The following TBCD variants were observed in gnomAD, a reference collection of about 807,000 sequenced individuals.
TBCD encodes tubulin folding cofactor D.
In TBCD, 105 loss-of-function variants were observed where a neutral mutation model predicts 169.3. The observed-to-expected ratio is 0.62, with a 90% CI of 0.53 to 0.73. TBCD has a LOEUF of 0.73. TBCD is among the 30% of genes least tolerant of loss of function. The probability of loss-of-function intolerance (pLI) is 0.00; values close to 1 mark genes in which losing one functional copy is unlikely to be tolerated. For synonymous variants in TBCD, 700 were observed against 643.9 expected (o/e 1.09, Z -1.32); for missense variants, 1,444 against 1,600.1 (o/e 0.90, Z 1.66).
At chr17:82,942,086 T>C (rs1207533918) in intron 38 of TBCD, 1 of 390,210 alleles carries the variant, frequency 2.6e-6, no homozygotes, top group South Asian at 3.3e-5. Context: ...GGGCTGAGCA[T>C]CAGGACACAG....
At chr17:82,792,351 ATG>A (rs1046756722) in intron 7 of TBCD, among the ~76,000 whole-genome samples, 43 of 130,006 alleles carry the variant, frequency 3.3e-4, no homozygotes, top group South Asian at 1.2e-3. Context: ...ACGTGTATAC[ATG>A]TGTGCACACA....
intron 37 of TBCD, among the ~76,000 whole-genome samples, chr17:82,940,366 G>T (rs1415663125): frequency 6.6e-6 from 1 of 152,166 alleles, no homozygotes; most frequent in Non-Finnish European, 1.5e-5. Flanking sequence ...TCCTGCCTGT[G>T]GATGCTGCTC....
chr17:82,798,081 A>G (rs568749637), intron 8 of TBCD, among the ~76,000 whole-genome samples: 13 of 145,196 alleles, frequency 9.0e-5, no homozygotes, highest in African/African-American at 3.3e-4. Flanking sequence ...GGTTCAAGCA[A>G]TTCTTCTGCC....
chr17:82,773,574 T>C (rs532206151), intron 6 of TBCD, among the ~76,000 whole-genome samples: 4 of 152,270 alleles, frequency 2.6e-5, no homozygotes, highest in African/African-American at 9.6e-5. Context: ...GCCAACTCTG[T>C]CCATGGTCTC....
intron 7 of TBCD, chr17:82,795,679 G>A (rs1254408129): frequency 1.5e-5 from 13 of 870,984 alleles, no homozygotes; most frequent in East Asian, 1.2e-4. Flanking sequence ...AGTGACAGCC[G>A]CACTCTTGCG....
At position 82,773,445 on chromosome 17, in the gene TBCD, G is replaced by A. The variant is rs542622922; in HGVS notation, c.638+938G>A. ...TTGTCAAGGACATAAAAAGATGATC[G>A]TCTAATTATTAAAGTAATCTGTATA... On this transcript the variant is annotated intron_variant, in intron 6 of 38. Transcript: ENST00000355528. 7.9e-5 allele frequency among the ~76,000 whole-genome samples: 12 copies of A among 152,300 alleles called. No homozygotes were observed. In the East Asian group the frequency reaches 1.5e-3, roughly 20 times the overall value.
chr17:82,780,666 A>G (rs2048888901), intron 6 of TBCD, among the ~76,000 whole-genome samples: 1 of 19,074 alleles, frequency 5.2e-5, no homozygotes, highest in Non-Finnish European at 9.8e-5. Context: ...TTTTTTTGAG[A>G]CAGAGTCTTG....
Position 82,807,655 on chromosome 17 carries a change from T to C in TBCD, c.1135T>C (p.Ser379Pro). The C allele has an allele frequency of 6.5e-7, 1 of 1,548,124 alleles. No homozygotes were observed. The highest frequency in any genetic ancestry group is 8.7e-7 in the Non-Finnish European group (1 of 1,145,378). Residue 379 changes from serine (S) to proline (P), a missense_variant, in exon 11 of 39, where the codon TCT becomes CCT. Ser to Pro is a moderately conservative substitution (Grantham distance 74). Transcript: ENST00000355528. ...LKDKDTVVRW[S>P]AAKGIGRMAG... Reference sequence around the variant, plus strand: ...GGACAAGGACACGGTCGTGCGGTGGTCTGCAGCCAAGGGGTAGGTGTCTGT... The same window carrying C: ...GGACAAGGACACGGTCGTGCGGTGGCCTGCAGCCAAGGGGTAGGTGTCTGT...
intron 14 of TBCD, among the ~76,000 whole-genome samples, chr17:82,879,055 T>C (rs1456050203): frequency 9.5e-6 from 1 of 104,860 alleles, no homozygotes; most frequent in African/African-American, 3.8e-5. Flanking sequence ...AGCAAGATCC[T>C]GTTCTTTTTT....
At chr17:82,865,536 G>T (rs1001842298) in intron 13 of TBCD, 73 of 985,356 alleles carry the variant, frequency 7.4e-5, no homozygotes, top group African/African-American at 1.6e-4. Flanking sequence ...TGTCTGTGCC[G>T]CGGGGGTACT....
In TBCD at chr17:82,766,277, A is replaced by C. The variant is rs752265380; in HGVS notation, c.344A>C (p.Tyr115Ser). 86 of 1,610,968 alleles carry C rather than the reference A, an allele frequency of 5.3e-5. No individual in the cohort carries two copies. Among genetic ancestry groups the C allele is most frequent in the Non-Finnish European group, 6.6e-5 (78 of 1,178,490 alleles). Residue 115 changes from tyrosine (Y) to serine (S), a missense_variant, in exon 4 of 39, where the codon TAT becomes TCT. Transcript: ENST00000355528. ...FLYIITKVRGYKTFLRLFPHE... is the reference protein window; with the variant it reads ...FLYIITKVRGSKTFLRLFPHE... Reference sequence around the variant, plus strand: ...CTCTTTATTTGATAGGTTCGAGGCTATAAAACATTTCTTCGTTTATTTCCT... The same window carrying C: ...CTCTTTATTTGATAGGTTCGAGGCTCTAAAACATTTCTTCGTTTATTTCCT...
At chr17:82,784,726 T>TC (rs2049180383) in intron 7 of TBCD, among the ~76,000 whole-genome samples, 1 of 152,118 alleles carries the variant, frequency 6.6e-6, no homozygotes, top group Non-Finnish European at 1.5e-5. Context: ...ACAGACAGCC[T>TC]CCCACATGAC....
Position 82,922,222 on chromosome 17 carries a change from G to A in TBCD, c.2178+645G>A, listed in dbSNP as rs1002347239. Among the ~76,000 whole-genome samples, 8 of 152,170 alleles carry A rather than the reference G, an allele frequency of 5.3e-5. No individual in the cohort carries two copies. Among genetic ancestry groups the A allele is most frequent in the East Asian group, 3.9e-4 (2 of 5,192 alleles). Reference sequence around the variant, plus strand: ...CTAAAAATACAAAAATTAGCGGGGCGAGGTGGCGCGTGCCTGTAATCCCAG... The same window carrying A: ...CTAAAAATACAAAAATTAGCGGGGCAAGGTGGCGCGTGCCTGTAATCCCAG... On this transcript the variant is annotated intron_variant, in intron 25 of 38. Coordinates refer to ENST00000355528, the MANE Select transcript of TBCD (RefSeq NM_005993.5). This position sits in a 1 kb window ranked among gnomAD's most constrained non-coding sequence, Gnocchi z 4.1.
chr17:82,884,294 C>A lies in TBCD; in HGVS notation c.1533+92C>A. ...CCTCTGTGCACTGCTGCCTGGCCAG[C>A]TCACCCATCCACAGCAGGAGCCGCG... On this transcript the variant is annotated intron_variant, in intron 15 of 38. Coordinates refer to ENST00000355528, the MANE Select transcript of TBCD (RefSeq NM_005993.5). This position sits in a 1 kb window ranked among gnomAD's most constrained non-coding sequence, Gnocchi z 4.2. The A allele has an allele frequency of 1.6e-6, 2 of 1,247,610 alleles. No homozygotes were observed. Among genetic ancestry groups the A allele is most frequent in the Non-Finnish European group, 1.1e-6 (1 of 874,996 alleles). The allele number at this position is 1,247,610 out of a possible 1,614,324, so 77.3% of individuals were successfully genotyped here.
Position 82,943,198 on chromosome 17 carries a change from TAGG to T in TBCD, c.*738_*740del, listed in dbSNP as rs1444537340. 2 of 152,332 alleles carry T rather than the reference TAGG, an allele frequency of 1.3e-5. No individual in the cohort carries two copies. Among genetic ancestry groups the T allele is most frequent in the Admixed American group, 1.3e-4 (2 of 15,306 alleles). The allele number at this position is 152,332 out of a possible 1,614,324, so 9.4% of individuals were successfully genotyped here. A position where few individuals can be genotyped will look rare whatever the true frequency, so the allele number is the denominator to read the frequency against. On this transcript the variant is annotated 3_prime_UTR_variant, in exon 39 of 39. Coordinates refer to ENST00000355528, the MANE Select transcript of TBCD (RefSeq NM_005993.5). ...CATTCTTGAAATAATTACACTGTCT[TAGG>T]AGAGCCTGGGCAGAGTCCACACTTG...
intron 6 of TBCD, among the ~76,000 whole-genome samples, chr17:82,776,722 G>A (rs2048622487): frequency 6.6e-6 from 1 of 152,156 alleles, no homozygotes; most frequent in Admixed American, 6.6e-5. Context: ...GTTTCGTGAG[G>A]ATGGGCCCTT....
At position 82,923,050 on chromosome 17, in the gene TBCD, C is replaced by T. The variant is rs1275026055; in HGVS notation, c.2179-602C>T. On this transcript the variant is annotated intron_variant, in intron 25 of 38. Coordinates refer to ENST00000355528, the MANE Select transcript of TBCD (RefSeq NM_005993.5). This position sits in a 1 kb window ranked among gnomAD's most constrained non-coding sequence, Gnocchi z 4.6. Reference sequence around the variant, plus strand: ...TCCCGGGGGTCTCCTGCTGTCCGGCCCCAACTCCTGTTCCCAGTGCGCCCC... The same window carrying T: ...TCCCGGGGGTCTCCTGCTGTCCGGCTCCAACTCCTGTTCCCAGTGCGCCCC... 3.3e-5 allele frequency among the ~76,000 whole-genome samples: 5 copies of T among 152,206 alleles called. 1 individual carries two copies. The highest frequency in any genetic ancestry group is 2.0e-4 in the Admixed American group (3 of 15,284).
At position 82,923,832 on chromosome 17, in the gene TBCD, G is replaced by A. The variant is rs2061561692; in HGVS notation, c.2260+99G>A. ...GAGGAGGCCTCGGTTGTGCAGTGGA[G>A]CAGAGCCACCACGATCATGGCTGGA... On this transcript the variant is annotated intron_variant, in intron 26 of 38. Coordinates refer to ENST00000355528, the MANE Select transcript of TBCD (RefSeq NM_005993.5). The surrounding 1 kb of genome is among the most constrained non-coding windows in gnomAD (Gnocchi z 4.6). The A allele has an allele frequency of 1.1e-6, 1 of 950,834 alleles. No homozygotes were observed. Among genetic ancestry groups the A allele is most frequent in the East Asian group, 2.7e-5 (1 of 37,506 alleles). The allele number at this position is 950,834 out of a possible 1,614,324, so 58.9% of individuals were successfully genotyped here. A position where few individuals can be genotyped will look rare whatever the true frequency, so the allele number is the denominator to read the frequency against.
chr17:82,937,810 A>C, intron 35 of TBCD: 2 of 1,429,936 alleles, frequency 1.4e-6, no homozygotes, highest in Middle Eastern at 1.8e-4. Flanking sequence ...GCGGCCCTGC[A>C]GGAGATCCTC....
Sources: allele counts gnomAD v4.1 joint callset (sites outside exome capture counted in the v4.1 genomes callset), GRCh38; gene constraint gnomAD v4.1.1; non-coding constraint Gnocchi (gnomAD v3.1); transcripts MANE v1.5; gene names NCBI Gene and HGNC (gene_info 2026-07-23, HGNC 2026-07-21).